Variants in FHIT observed in about 807,000 individuals in gnomAD.
FHIT encodes fragile histidine triad diadenosine triphosphatase.
Under a neutral mutation model 17.9 loss-of-function variants are expected in FHIT, and 19 were observed. That is an observed-to-expected ratio of 1.06 (90% CI 0.74 to 1.56). The LOEUF is 1.56. FHIT is among the 40% of genes most tolerant of loss of function. FHIT has a pLI of 0.00. For synonymous variants in FHIT, 81 were observed against 69.7 expected (o/e 1.16, Z -0.81); for missense variants, 248 against 189.2 (o/e 1.31, Z -1.82).
In FHIT at chr3:60,425,915, T is replaced by G. The variant is rs1277147915; in HGVS notation, c.103+110945A>C. ...AAGAAGGAAAAGTGTTATGGAAATATGTCCTTGTCTCTGAGCAGCTCACCA... is the reference window on the plus strand; with the variant it reads ...AAGAAGGAAAAGTGTTATGGAAATAGGTCCTTGTCTCTGAGCAGCTCACCA... On this transcript the variant is annotated intron_variant, in intron 5 of 9. Transcript: ENST00000492590. Among the ~76,000 whole-genome samples the G allele has an allele frequency of 2.6e-5, 4 of 152,150 alleles. No homozygotes were observed. In the South Asian group the frequency reaches 8.3e-4, roughly 31 times the overall value.
intron 4 of FHIT, among the ~76,000 whole-genome samples, chr3:60,766,484 T>C (rs1385956295): frequency 1.0e-5 from 1 of 99,368 alleles, no homozygotes; most frequent in Non-Finnish European, 2.0e-5. Context: ...CCTGGGAGTT[T>C]ACCAGGAAGC....
chr3:60,461,832 C>T (rs1330358049), intron 5 of FHIT, among the ~76,000 whole-genome samples: 2 of 152,112 alleles, frequency 1.3e-5, no homozygotes, highest in Non-Finnish European at 2.9e-5. Flanking sequence ...AGCAAAGCAC[C>T]TCTATTTTGA....
At chr3:60,736,774 G>T (rs533811324) in intron 4 of FHIT, among the ~76,000 whole-genome samples, 3 of 152,120 alleles carry the variant, frequency 2.0e-5, no homozygotes, top group Admixed American at 2.0e-4. Context: ...ATTATAAACG[G>T]ATAAACATTG....
chr3:60,156,375 A>G (rs181876801), intron 5 of FHIT, among the ~76,000 whole-genome samples: 1 of 151,952 alleles, frequency 6.6e-6, no homozygotes, highest in East Asian at 1.9e-4. Flanking sequence ...TTAGATATTT[A>G]AAATTAAGCT....
chr3:59,783,210 C>T (rs1702677432), intron 8 of FHIT, among the ~76,000 whole-genome samples: 1 of 152,182 alleles, frequency 6.6e-6, no homozygotes, highest in South Asian at 2.1e-4. Context: ...GTGGCTCATG[C>T]CTGTAATCCC....
intron 3 of FHIT, among the ~76,000 whole-genome samples, chr3:60,954,257 T>A (rs1419198101): frequency 6.6e-6 from 1 of 152,256 alleles, no homozygotes; most frequent in African/African-American, 2.4e-5. Context: ...GTTATTTATA[T>A]ACTATCATAT....
At chr3:61,055,364 G>A (rs1295458656) in intron 2 of FHIT, among the ~76,000 whole-genome samples, 1 of 152,062 alleles carries the variant, frequency 6.6e-6, no homozygotes, top group South Asian at 2.1e-4. Flanking sequence ...CCTAATTAGG[G>A]TCTCGTCCAT....
intron 4 of FHIT, among the ~76,000 whole-genome samples, chr3:60,780,952 T>G (rs782246625): frequency 3.3e-5 from 5 of 152,114 alleles, no homozygotes; most frequent in Non-Finnish European, 7.4e-5. Context: ...GGTTCCCCCT[T>G]TGTCTTCTTT....
At chr3:60,090,193 A>G (rs1703670789) in intron 5 of FHIT, among the ~76,000 whole-genome samples, 1 of 152,132 alleles carries the variant, frequency 6.6e-6, no homozygotes, top group African/African-American at 2.4e-5. Flanking sequence ...TTCCAGAAGT[A>G]AACTTAACCT....
chr3:60,269,473 A>G (rs75228630), intron 5 of FHIT, among the ~76,000 whole-genome samples: 14,577 of 152,266 alleles, frequency 0.096, 825 homozygotes, highest in Non-Finnish European at 0.13. Flanking sequence ...GCACTATGGG[A>G]TACTACTTCC....
intron 3 of FHIT, among the ~76,000 whole-genome samples, chr3:60,963,864 T>A (rs932151980): frequency 7.2e-5 from 11 of 152,182 alleles, no homozygotes; most frequent in Non-Finnish European, 2.9e-5. Context: ...TGTGGTCAGT[T>A]TTGGAATAAG....
At chr3:60,705,742 G>A (rs1167255154) in intron 4 of FHIT, among the ~76,000 whole-genome samples, 12 of 152,224 alleles carry the variant, frequency 7.9e-5, no homozygotes, top group African/African-American at 2.2e-4. Flanking sequence ...ATTACTGAAC[G>A]GAGTCTAAAC....
chr3:60,098,030 G>C (rs1185106987), intron 5 of FHIT, among the ~76,000 whole-genome samples: 1 of 151,736 alleles, frequency 6.6e-6, no homozygotes, highest in Non-Finnish European at 1.5e-5. Context: ...CCATGTCCCT[G>C]CAAAGGACAT....
chr3:61,063,046 T>C (rs1575942770), intron 2 of FHIT, among the ~76,000 whole-genome samples: 1 of 151,854 alleles, frequency 6.6e-6, no homozygotes, highest in East Asian at 1.9e-4. Flanking sequence ...GATCACGAGG[T>C]CAGGAGATCG....
chr3:60,518,250 G>A (rs2035231920), intron 5 of FHIT, among the ~76,000 whole-genome samples: 1 of 152,160 alleles, frequency 6.6e-6, no homozygotes, highest in Non-Finnish European at 1.5e-5. Flanking sequence ...AAATGTGACA[G>A]GTAGAGGGTT....
At chr3:61,150,288 G>T (rs1357546121) in intron 2 of FHIT, among the ~76,000 whole-genome samples, 2 of 147,074 alleles carry the variant, frequency 1.4e-5, no homozygotes, top group African/African-American at 2.5e-5. Context: ...CCCCTAGAGA[G>T]ATTTTTTTTT....
chr3:59,919,598 C>T (rs1053970457), intron 8 of FHIT, among the ~76,000 whole-genome samples: 16 of 152,180 alleles, frequency 1.1e-4, no homozygotes, highest in African/African-American at 4.8e-5. Context: ...TAAAACAGTG[C>T]CTAGAAAGAA....
intron 1 of FHIT, among the ~76,000 whole-genome samples, chr3:61,207,498 C>A (rs1029981537): frequency 3.3e-5 from 5 of 152,138 alleles, no homozygotes; most frequent in Non-Finnish European, 1.5e-5. Flanking sequence ...AATTTCAGAG[C>A]CTGTTATTGG....
At chr3:60,773,233 A>G (rs774761876) in intron 4 of FHIT, among the ~76,000 whole-genome samples, 2 of 152,220 alleles carry the variant, frequency 1.3e-5, no homozygotes, top group Non-Finnish European at 2.9e-5. Flanking sequence ...CTGCACAATC[A>G]TGGTCAAAAT....
Sources: gnomAD v4.1 joint callset for allele counts (sites outside exome capture counted in the v4.1 genomes callset) on GRCh38, gnomAD v4.1.1 for gene constraint, MANE v1.5 for transcripts, NCBI Gene and HGNC (gene_info 2026-07-23, HGNC 2026-07-21) for gene names.